MYBPC2: variants seen among roughly 807,000 people sequenced by gnomAD.
MYBPC2 encodes the protein myosin-binding protein C, fast-type.
A neutral mutation model predicts 137.0 loss-of-function variants in MYBPC2; 122 were observed. That is an observed-to-expected ratio of 0.89 (90% CI 0.77 to 1.03). The LOEUF (loss-of-function observed/expected upper bound fraction) is 1.03. MYBPC2 is among the 50% of genes least tolerant of loss of function. The pLI is 0.00. For synonymous variants in MYBPC2, 626 were observed against 612.3 expected, an observed-to-expected ratio of 1.02 and a Z score of -0.33; for missense variants, 1,500 against 1,534.4, an observed-to-expected ratio of 0.98 and a Z score of 0.37.
chr19:50,447,893 A>G (rs1450192915), intron 12 of MYBPC2, among the ~76,000 whole-genome samples: 2 of 152,040 alleles, frequency 1.3e-5, no homozygotes, highest in African/African-American at 4.8e-5. Context: ...AATAAATAAA[A>G]TCCCCAAAGT....
intron 7 of MYBPC2, among the ~76,000 whole-genome samples, chr19:50,439,297 C>T (rs1038095899): frequency 6.6e-6 from 1 of 151,376 alleles, no homozygotes; most frequent in Non-Finnish European, 1.5e-5. Flanking sequence ...ACCTGTCTTC[C>T]CCCAACTCAT....
At chr19:50,453,077 C>T (rs182948944) in intron 16 of MYBPC2, among the ~76,000 whole-genome samples, 22 of 152,244 alleles carry the variant, frequency 1.4e-4, no homozygotes, top group Admixed American at 7.8e-4. Context: ...GAGTTGGATG[C>T]GGCTCCTGCC....
Position 50,436,279 on chromosome 19 carries a change from G to T in MYBPC2, c.345+119G>T, listed in dbSNP as rs191181896. On this transcript the variant is annotated intron_variant, in intron 4 of 27. Coordinates refer to ENST00000357701, the MANE Select transcript of MYBPC2 (RefSeq NM_004533.4). Reference sequence around the variant, plus strand: ...GGGCCTGGAGCCGGGATGGAGAGTGGGCCCTCTGAGGATGGAGGTTGTGCG... The same window carrying T: ...GGGCCTGGAGCCGGGATGGAGAGTGTGCCCTCTGAGGATGGAGGTTGTGCG... 5 of 1,419,682 alleles carry T rather than the reference G, an allele frequency of 3.5e-6. No individual in the cohort carries two copies. In the South Asian group the frequency reaches 7.2e-5, roughly 20 times the overall value. The allele number at this position is 1,419,682 out of a possible 1,614,324, so 87.9% of individuals were successfully genotyped here.
At chr19:50,450,750 A>AGT in intron 13 of MYBPC2, 79 bp from the exon 14 acceptor site, 1 of 981,892 alleles carries the variant, frequency 1.0e-6, no homozygotes, top group Non-Finnish European at 1.6e-6. Context: ...CACTGAGGGA[A>AGT]GCTGATTGAG....
chr19:50,435,896 C>G lies in MYBPC2; in HGVS notation c.196+34C>G. On this transcript the variant is annotated intron_variant, in intron 3 of 27. Coordinates refer to ENST00000357701, the MANE Select transcript of MYBPC2 (RefSeq NM_004533.4). The surrounding 1 kb of genome is among the most constrained non-coding windows in gnomAD (Gnocchi z 4.8). ...AACCCGGGGGAGGAGGGGCTGCGGCCCGGACTCCTGGGTCTGAGGGAGGAG... is the reference window on the plus strand; with the variant it reads ...AACCCGGGGGAGGAGGGGCTGCGGCGCGGACTCCTGGGTCTGAGGGAGGAG... 1 of 1,557,760 alleles carries G rather than the reference C, an allele frequency of 6.4e-7. No individual in the cohort carries two copies. The highest frequency in any genetic ancestry group is 8.7e-7 in the Non-Finnish European group (1 of 1,148,636).
chr19:50,455,576 G>A lies in MYBPC2; in HGVS notation c.2270G>A (p.Trp757Ter), dbSNP rs1487313664. The A allele has an allele frequency of 6.2e-7, 1 of 1,613,872 alleles. No individual in the cohort carries two copies. Among genetic ancestry groups the A allele is most frequent in the African/African-American group, 1.3e-5 (1 of 74,916 alleles). ...ACAGACACCACCACCACACTCAAGT[G>A]GAGGCCTCCGAACAGGATCGGGGCA... ...DVTDTTTTLKWRPPNRIGAGG... is the reference protein window; with the variant it reads ...DVTDTTTTLK Residue 757 changes from tryptophan (W) to a stop codon, truncating the protein, a stop_gained, in exon 20 of 28, where the codon TGG becomes TAG. Coordinates refer to ENST00000357701, the MANE Select transcript of MYBPC2 (RefSeq NM_004533.4). LOFTEE classifies it high-confidence loss of function.
intron 11 of MYBPC2, among the ~76,000 whole-genome samples, 200 bp from the exon 12 acceptor site, chr19:50,445,680 A>T (rs957591650): frequency 2.0e-5 from 3 of 152,124 alleles, no homozygotes; most frequent in Non-Finnish European, 4.4e-5. Flanking sequence ...GGCATGAGCC[A>T]GCGTGCCTGG....
chr19:50,462,180 T>C, intron 26 of MYBPC2, 144 bp downstream of exon 26: 1 of 1,223,928 alleles, frequency 8.2e-7, no homozygotes, highest in Non-Finnish European at 1.1e-6. Context: ...ATTTTTTTAA[T>C]TGATTTTTGA....
chr19:50,462,679 C>T (rs554874269), intron 26 of MYBPC2, among the ~76,000 whole-genome samples: 63 of 152,180 alleles, frequency 4.1e-4, no homozygotes, highest in Middle Eastern at 6.8e-3. Flanking sequence ...CAAGTTCAAG[C>T]GATTCTCCTG....
At chr19:50,457,804 T>G (rs1221476061) in intron 20 of MYBPC2, among the ~76,000 whole-genome samples, 1 of 150,474 alleles carries the variant, frequency 6.6e-6, no homozygotes, top group African/African-American at 2.5e-5. Context: ...CTCAGCCTCC[T>G]GAGTAGCTGG....
chr19:50,437,426 G>A, intron 5 of MYBPC2, 47 bp from the exon 6 acceptor site: 1 of 1,575,594 alleles, frequency 6.3e-7, no homozygotes, highest in South Asian at 1.2e-5. Flanking sequence ...TCTAAGATCA[G>A]CCCTGGCCTC....
In MYBPC2 at chr19:50,445,917, T is replaced by C. The variant is rs763068015; in HGVS notation, c.1171T>C (p.Phe391Leu). The change falls in exon 12 of 28, where the codon TTC becomes CTC. Residue 391 changes from phenylalanine (F) to leucine (L), a missense_variant. Coordinates refer to ENST00000357701, the MANE Select transcript of MYBPC2 (RefSeq NM_004533.4). ...DGVELTREDSFKARYRFKKDG... is the reference protein window; with the variant it reads ...DGVELTREDSLKARYRFKKDG... ...TGTGGAACTGACTCGGGAGGATTCC[T>C]TCAAGGCCCGGTACCGCTTCAAGAA... 2 of 1,610,106 alleles carry C rather than the reference T, an allele frequency of 1.2e-6. No individual in the cohort carries two copies. Among genetic ancestry groups the C allele is most frequent in the East Asian group, 4.5e-5 (2 of 44,752 alleles).
rs1568671982 is a variant in MYBPC2, at chr19:50,465,598, T to C, written c.3416-597T>C. 1.3e-5 allele frequency among the ~76,000 whole-genome samples: 2 copies of C among 152,136 alleles called. No individual in the cohort carries two copies. Among genetic ancestry groups the C allele is most frequent in the Admixed American group, 6.5e-5 (1 of 15,278 alleles). ...GGCTCTCGCCTGTAATCCCAGCACA[T>C]TGGGAGGCCAAGGCAGGCGAGTTGC... On this transcript the variant is annotated intron_variant, in intron 27 of 27. Coordinates refer to ENST00000357701, the MANE Select transcript of MYBPC2 (RefSeq NM_004533.4). The surrounding 1 kb of genome is among the most constrained non-coding windows in gnomAD (Gnocchi z 4.5).
In MYBPC2 at chr19:50,464,355, G is replaced by A. The variant is rs749042774; in HGVS notation, c.3238G>A (p.Val1080Ile). 7.5e-6 allele frequency: 12 copies of A among 1,606,398 alleles called. No homozygotes were observed. Among genetic ancestry groups the A allele is most frequent in the Non-Finnish European group, 9.3e-6 (11 of 1,176,686 alleles). ...AVRGHPKPKV[V>I]WMKNKMEIRE... Reference sequence around the variant, plus strand: ...CCTTGACTCTCAACAGCCGAAGGTGGTCTGGATGAAGAACAAGATGGAAAT... The same window carrying A: ...CCTTGACTCTCAACAGCCGAAGGTGATCTGGATGAAGAACAAGATGGAAAT... The change falls in exon 27 of 28, where the codon GTC (valine) becomes ATC (isoleucine). Residue 1080 changes from valine to isoleucine, a missense_variant. By Grantham distance (29) the Val-to-Ile change is conservative. Coordinates refer to ENST00000357701, the MANE Select transcript of MYBPC2 (RefSeq NM_004533.4).
intron 26 of MYBPC2, among the ~76,000 whole-genome samples, chr19:50,463,942 A>G (rs938177920): frequency 2.0e-5 from 3 of 150,692 alleles, no homozygotes; most frequent in Non-Finnish European, 3.0e-5. Context: ...CTGTCTCAAA[A>G]AAAAAAAAAA....
intron 27 of MYBPC2, among the ~76,000 whole-genome samples, chr19:50,464,896 G>A (rs756929259): frequency 8.5e-5 from 13 of 152,098 alleles, no homozygotes; most frequent in Non-Finnish European, 1.3e-4. Flanking sequence ...ATGACCAGGG[G>A]TGGCGGGAGC....
intron 1 of MYBPC2, among the ~76,000 whole-genome samples, chr19:50,433,444 C>A (rs2039675282): frequency 6.6e-6 from 1 of 151,348 alleles, no homozygotes; most frequent in Non-Finnish European, 1.5e-5. Flanking sequence ...TCGCTCTGCC[C>A]CCGGGGCTGG....
In MYBPC2 at chr19:50,465,896, T is replaced by G. The variant is rs1243488110; in HGVS notation, c.3416-299T>G. Among the ~76,000 whole-genome samples the G allele has an allele frequency of 6.6e-6, 1 of 152,140 alleles. No individual in the cohort carries two copies. The highest frequency in any genetic ancestry group is 1.9e-4 in the East Asian group (1 of 5,192). On this transcript the variant is annotated intron_variant, in intron 27 of 27. Coordinates refer to ENST00000357701, the MANE Select transcript of MYBPC2 (RefSeq NM_004533.4). The surrounding 1 kb of genome is among the most constrained non-coding windows in gnomAD (Gnocchi z 4.5). ...TCACTGCCCTTCCAAGCCCACCCAA[T>G]TTCTGATACTCTGCTGTCTCCCTGA... is the stretch of plus-strand genomic sequence containing the variant.
chr19:50,460,146 G>A lies in MYBPC2; in HGVS notation c.2898G>A (p.Gly966=). 3 of 1,595,538 alleles carry A rather than the reference G, an allele frequency of 1.9e-6. No individual in the cohort carries two copies. The highest frequency in any genetic ancestry group is 2.6e-6 in the Non-Finnish European group (3 of 1,171,676). ...ATGATGGGAACAGTGAGATCATGGG[G>A]TATTTCGTCCAGAAAGCAGACAAAA... is the stretch of plus-strand genomic sequence containing the variant. ...PKDDGNSEIM[G]YFVQKADKKT... is the part of the protein sequence containing the mutation. Residue 966 remains glycine, a synonymous_variant, in exon 24 of 28, where the codon GGG becomes GGA. Coordinates refer to ENST00000357701, the MANE Select transcript of MYBPC2 (RefSeq NM_004533.4).
Sources: allele counts gnomAD v4.1 joint callset (sites outside exome capture counted in the v4.1 genomes callset), GRCh38; gene constraint gnomAD v4.1.1; non-coding constraint Gnocchi (gnomAD v3.1); transcripts MANE v1.5; gene names NCBI Gene and HGNC (gene_info 2026-07-23, HGNC 2026-07-21).